The following TBXAS1 variants were observed in gnomAD, a reference collection of about 807,000 sequenced individuals.
TBXAS1 encodes thromboxane-A synthase.
TBXAS1 carries 48 observed loss-of-function variants against 60.7 expected under a neutral mutation model. That is an observed-to-expected ratio of 0.79 (90% CI 0.63 to 1.01). TBXAS1 has a LOEUF of 1.01. Among genes scored for constraint, TBXAS1 ranks in the 50% least tolerant of loss-of-function variants. The pLI, the probability that TBXAS1 is intolerant of heterozygous loss-of-function variation, is 0.00. For synonymous variants in TBXAS1, 287 were observed against 269.7 expected, an observed-to-expected ratio of 1.06 and a Z score of -0.63; for missense variants, 685 against 686.3, an observed-to-expected ratio of 1.00 and a Z score of 0.02.
At chr7:139,855,658 G>A (rs963972653) in intron 1 of TBXAS1, among the ~76,000 whole-genome samples, 8 of 152,126 alleles carry the variant, frequency 5.3e-5, no homozygotes, top group Non-Finnish European at 1.0e-4. Flanking sequence ...AGGTTTTGTC[G>A]TCCCAGAAGC....
At chr7:139,820,941 C>A (rs1017482365) in intron 4 of TBXAS1, among the ~76,000 whole-genome samples, 1 of 152,276 alleles carries the variant, frequency 6.6e-6, no homozygotes, top group East Asian at 1.9e-4. Context: ...CCCTAAGAAA[C>A]CTTGCTCGTT....
intron 1 of TBXAS1, among the ~76,000 whole-genome samples, chr7:139,837,350 A>G (rs1335195220): frequency 2.0e-5 from 3 of 152,228 alleles, no homozygotes; most frequent in Non-Finnish European, 2.9e-5. Context: ...TTTGAAAAAG[A>G]TACTTGAATA....
chr7:139,955,221 T>A (rs1484877089), intron 6 of TBXAS1, among the ~76,000 whole-genome samples: 2 of 152,158 alleles, frequency 1.3e-5, no homozygotes, highest in Non-Finnish European at 2.9e-5. Flanking sequence ...CAGGTCTTTG[T>A]TTAGACGCCA....
intron 4 of TBXAS1, among the ~76,000 whole-genome samples, chr7:139,806,014 A>G (rs1195839803): frequency 7.1e-6 from 1 of 141,242 alleles, no homozygotes; most frequent in Non-Finnish European, 1.5e-5. Context: ...GGCTCACTGC[A>G]AGCTCCGCCT....
chr7:139,844,525 C>T (rs954758415), intron 1 of TBXAS1, among the ~76,000 whole-genome samples: 6 of 152,186 alleles, frequency 3.9e-5, no homozygotes, highest in Non-Finnish European at 5.9e-5. Flanking sequence ...TAATTCCACT[C>T]CAAAGCAAAG....
Position 139,962,115 on chromosome 7 carries a change from T to C in TBXAS1, c.1016T>C (p.Leu339Pro). The C allele has an allele frequency of 6.2e-7, 1 of 1,614,222 alleles. No homozygotes were observed. The highest frequency in any genetic ancestry group is 8.5e-7 in the Non-Finnish European group (1 of 1,180,044). The change falls in exon 9 of 13, where the codon CTC becomes CCC. Residue 339 changes from leucine to proline, a missense_variant. Transcript: ENST00000448866. ...DEIVGQAFIFLIAGYEIITNT... is the reference protein window; with the variant it reads ...DEIVGQAFIFPIAGYEIITNT... ...ATTGTGGGCCAGGCCTTCATCTTCC[T>C]CATCGCTGGCTATGAAATCATCACC...
At chr7:139,994,609 G>C (rs1260775025) in intron 9 of TBXAS1, among the ~76,000 whole-genome samples, 1 of 149,494 alleles carries the variant, frequency 6.7e-6, no homozygotes, top group African/African-American at 2.5e-5. Flanking sequence ...GGATGAGCTG[G>C]AAAAAAAGAA....
intron 4 of TBXAS1, among the ~76,000 whole-genome samples, chr7:139,808,419 A>G (rs962517354): frequency 5.9e-5 from 9 of 152,166 alleles, no homozygotes; most frequent in African/African-American, 2.2e-4. Context: ...TATTTTTAGC[A>G]TTTATTATCT....
At chr7:139,792,589 T>C (rs767276149) in intron 4 of TBXAS1, among the ~76,000 whole-genome samples, 62 of 152,352 alleles carry the variant, frequency 4.1e-4, no homozygotes, top group Non-Finnish European at 8.1e-4. Context: ...GTGGTTATTC[T>C]TGAGGGACTG....
At chr7:139,979,772 A>G (rs1811838734) in intron 9 of TBXAS1, among the ~76,000 whole-genome samples, 2 of 148,708 alleles carry the variant, frequency 1.3e-5, no homozygotes, top group African/African-American at 4.9e-5. Flanking sequence ...ATAATAAATA[A>G]ATAGCAAAAG....
intron 1 of TBXAS1, among the ~76,000 whole-genome samples, chr7:139,865,593 G>A (rs996783255): frequency 1.3e-5 from 1 of 77,136 alleles, no homozygotes; most frequent in African/African-American, 4.8e-5. Context: ...AGAAGGAGGA[G>A]GAGGAGGAGG....
intron 12 of TBXAS1, among the ~76,000 whole-genome samples, chr7:140,018,836 T>C (rs1169994285): frequency 1.3e-5 from 2 of 152,162 alleles, no homozygotes; most frequent in African/African-American, 4.8e-5. Flanking sequence ...TGCTCACTCA[T>C]TCATTCAACA....
At chr7:139,902,464 C>T (rs1804659333) in intron 3 of TBXAS1, among the ~76,000 whole-genome samples, 1 of 152,138 alleles carries the variant, frequency 6.6e-6, no homozygotes, top group Non-Finnish European at 1.5e-5. Flanking sequence ...TAAATTGCTG[C>T]ATAGTATTCC....
chr7:139,888,328 T>A (rs1256587404), intron 3 of TBXAS1, among the ~76,000 whole-genome samples: 7 of 152,184 alleles, frequency 4.6e-5, no homozygotes, highest in Non-Finnish European at 1.5e-5. Context: ...GTGTCTCACA[T>A]AAATTTTGTC....
At chr7:140,008,692 G>A (rs970664048) in intron 10 of TBXAS1, among the ~76,000 whole-genome samples, 2 of 152,090 alleles carry the variant, frequency 1.3e-5, no homozygotes, top group Non-Finnish European at 2.9e-5. Context: ...CAGGTGATCT[G>A]CCTGCCTTGG....
Position 140,017,898 on chromosome 7 carries a change from C to A in TBXAS1, c.1527+65C>A, listed in dbSNP as rs140632156. ...GTGGGAGGGCCACCCCAGTTCTCTG[C>A]GTGAGAGCAGGCCAGCCTGGGGGCA... is the stretch of plus-strand genomic sequence containing the variant. On this transcript the variant is annotated intron_variant, in intron 12 of 12. Transcript: ENST00000448866. 5,549 of 1,610,044 alleles carry A rather than the reference C, an allele frequency of 3.4e-3. 13 individuals carry two copies. Among genetic ancestry groups the A allele is most frequent in the Non-Finnish European group, 4.3e-3 (5,100 of 1,177,164 alleles).
intron 5 of TBXAS1, among the ~76,000 whole-genome samples, chr7:139,951,505 C>T (rs906615999): frequency 7.0e-6 from 1 of 143,818 alleles, no homozygotes; most frequent in African/African-American, 2.6e-5. Context: ...CGCCTGTAAT[C>T]CCAGCACTTT....
chr7:140,011,894 T>A (rs984221921), intron 10 of TBXAS1, among the ~76,000 whole-genome samples: 2 of 152,062 alleles, frequency 1.3e-5, no homozygotes, highest in Admixed American at 1.3e-4. Context: ...AATAACTAAA[T>A]AAACCCAGCC....
At chr7:140,002,598 G>T (rs1446202965) in intron 9 of TBXAS1, among the ~76,000 whole-genome samples, 1 of 152,098 alleles carries the variant, frequency 6.6e-6, no homozygotes, top group African/African-American at 2.4e-5. Context: ...TGTCTCGCTG[G>T]TTCGACTAAG....
Sources: allele counts gnomAD v4.1 joint callset (sites outside exome capture counted in the v4.1 genomes callset), GRCh38; gene constraint gnomAD v4.1.1; transcripts MANE v1.5; gene names NCBI Gene and HGNC (gene_info 2026-07-23, HGNC 2026-07-21).